The following SAMSN1 variants were observed in gnomAD, a reference collection of about 807,000 sequenced individuals.
SAMSN1 encodes the protein SAM domain-containing protein SAMSN-1.
In SAMSN1, 31 loss-of-function variants were observed where a neutral mutation model predicts 42.0. That is an observed-to-expected ratio of 0.74 (90% CI 0.55 to 1.00). The LOEUF (loss-of-function observed/expected upper bound fraction) is 1.00, where lower values mean the gene tolerates loss of function less well. SAMSN1 is among the 50% of genes least tolerant of loss of function. The pLI is 0.00. For missense variants in SAMSN1, 464 were observed against 439.4 expected (o/e 1.06, Z -0.50); for synonymous variants, 178 against 151.9 (o/e 1.17, Z -1.26).
In SAMSN1 at chr21:14,486,018, C is replaced by T. The variant is rs752230607; in HGVS notation, c.1016G>A (p.Gly339Asp). The change falls in exon 8 of 8, where the codon GGT becomes GAT. Residue 339 changes from glycine to aspartate, a missense_variant. Gly to Asp is a moderately conservative substitution (Grantham distance 94). Transcript: ENST00000400566. ...SQLDDCPRDS[G>D]CYISSGNSDN... ...TGAATTTCCTGATGAGATATAGCAA[C>T]CAGAGTCCCTTGGGCAGTCATCTAA... The T allele has an allele frequency of 8.7e-6, 14 of 1,613,602 alleles. No homozygotes were observed. The Middle Eastern group carries it at 8.3e-4, about 95-fold the overall frequency.
At chr21:14,510,859 C>A (rs1987660868) in intron 4 of SAMSN1, among the ~76,000 whole-genome samples, 3 of 152,216 alleles carry the variant, frequency 2.0e-5, no homozygotes. Flanking sequence ...TCTGTCATAA[C>A]AGGTGGCACT....
chr21:14,622,915 G>A (rs547112514), intron 2 of SAMSN1, among the ~76,000 whole-genome samples: 38 of 152,174 alleles, frequency 2.5e-4, no homozygotes, highest in Non-Finnish European at 4.1e-4. Flanking sequence ...GACTAACAGC[G>A]GACCTCTCAG....
At chr21:14,577,493 T>C (rs1981545765) in intron 2 of SAMSN1, among the ~76,000 whole-genome samples, 1 of 151,592 alleles carries the variant, frequency 6.6e-6, no homozygotes, top group Non-Finnish European at 1.5e-5. Flanking sequence ...AATATATGTG[T>C]TATTATAAAA....
At chr21:14,521,290 A>G (rs1978460184) in intron 1 of SAMSN1, 69 bp from the exon 2 acceptor site, 5 of 1,033,332 alleles carry the variant, frequency 4.8e-6, no homozygotes, top group South Asian at 4.3e-5. Flanking sequence ...TGATAAGTAT[A>G]TTAGATTATA....
rs561888867 is a variant in SAMSN1 at position 14,588,621 on chromosome 21, A to G, written c.466-4845T>C. On this transcript the variant is annotated intron_variant, in intron 7 of 15. Transcript: ENST00000647101. ...TGACCTCTAGAACTATGCTCCAAAT[A>G]TGATGCTCATCCCATCTTCTTCAAC... Among the ~76,000 whole-genome samples, 11 of 152,334 alleles carry G rather than the reference A, an allele frequency of 7.2e-5. No individual in the cohort carries two copies. In the East Asian group the frequency reaches 2.1e-3, roughly 29 times the overall value.
Position 14,567,198 on chromosome 21 carries a change from G to A in SAMSN1, c.261+14938C>T, listed in dbSNP as rs370152662. ...GGCGGTGTTGTCAGAAGACAGAAAG[G>A]AAAATAACAGTAAAGAACATAAAAG... On this transcript the variant is annotated intron_variant, in intron 2 of 8. Transcript: ENST00000285670. Among the ~76,000 whole-genome samples, 333 of 150,140 alleles carry A rather than the reference G, an allele frequency of 2.2e-3. 2 individuals carry two copies. Among genetic ancestry groups the A allele is most frequent in the African/African-American group, 7.6e-3 (310 of 40,690 alleles).
chr21:14,518,445 A>AT (rs11453614), intron 2 of SAMSN1, among the ~76,000 whole-genome samples: 77,031 of 151,390 alleles, frequency 0.51, 19,853 homozygotes, highest in East Asian at 0.6. Flanking sequence ...AACGTTGCAG[A>AT]TTTTTTTTTC....
chr21:14,533,984 C>A (rs1039112336), intron 1 of SAMSN1, among the ~76,000 whole-genome samples: 2 of 152,166 alleles, frequency 1.3e-5, no homozygotes, highest in Admixed American at 6.5e-5. Flanking sequence ...AATTTCTACT[C>A]TCCCACCTAT....
At chr21:14,520,284 G>A (rs1172212026) in intron 2 of SAMSN1, among the ~76,000 whole-genome samples, 1 of 152,190 alleles carries the variant, frequency 6.6e-6, no homozygotes, top group Non-Finnish European at 1.5e-5. Flanking sequence ...TTGAGCAGCT[G>A]TATGCTCTCC....
At chr21:14,561,101 T>C (rs1222140074) in intron 2 of SAMSN1, among the ~76,000 whole-genome samples, 3 of 152,158 alleles carry the variant, frequency 2.0e-5, no homozygotes, top group African/African-American at 7.2e-5. Context: ...CTCCTGTAGA[T>C]AACATCACTA....
At chr21:14,511,986 A>T (rs1188131256) in intron 4 of SAMSN1, among the ~76,000 whole-genome samples, 1 of 152,172 alleles carries the variant, frequency 6.6e-6, no homozygotes, top group Admixed American at 6.5e-5. Flanking sequence ...TACTTCAGGA[A>T]AAAAGGAAAG....
intron 1 of SAMSN1, among the ~76,000 whole-genome samples, chr21:14,538,948 C>T (rs1979816673): frequency 6.6e-6 from 1 of 152,124 alleles, no homozygotes; most frequent in Non-Finnish European, 1.5e-5. Context: ...AAAGAAAAAC[C>T]TGCTAAAATT....
chr21:14,620,370 C>G (rs891575424), intron 2 of SAMSN1, among the ~76,000 whole-genome samples: 7 of 152,222 alleles, frequency 4.6e-5, no homozygotes, highest in Admixed American at 3.9e-4. Context: ...ACAGTTCCTC[C>G]TACTCTCTCC....
intron 2 of SAMSN1, among the ~76,000 whole-genome samples, chr21:14,555,971 A>C (rs1179653885): frequency 6.6e-6 from 1 of 152,170 alleles, no homozygotes; most frequent in African/African-American, 2.4e-5. Flanking sequence ...TTTATTCCCC[A>C]GAAGCAAAGA....
intron 2 of SAMSN1, among the ~76,000 whole-genome samples, chr21:14,642,082 G>A (rs1472793852): frequency 2.0e-5 from 3 of 152,160 alleles, no homozygotes; most frequent in African/African-American, 7.2e-5. Context: ...TCATCATAAA[G>A]GTCTTTATTC....
upstream of SAMSN1, among the ~76,000 whole-genome samples, chr21:14,546,923 AT>A (rs1193182135): frequency 6.6e-6 from 1 of 151,990 alleles, no homozygotes; most frequent in Non-Finnish European, 1.5e-5. Context: ...GTTAGCCAAG[AT>A]GGTCTCGATC....
At chr21:14,558,780 A>T (rs2123193427) in intron 2 of SAMSN1, among the ~76,000 whole-genome samples, 1 of 152,328 alleles carries the variant, frequency 6.6e-6, no homozygotes, top group East Asian at 1.9e-4. Flanking sequence ...CCTAATGATG[A>T]TAATGATCTA....
chr21:14,510,700 G>A (rs936093209), intron 4 of SAMSN1, among the ~76,000 whole-genome samples: 2 of 152,000 alleles, frequency 1.3e-5, no homozygotes, highest in African/African-American at 2.4e-5. Flanking sequence ...ACTAACCCAA[G>A]TACCCTCTCA....
chr21:14,518,288 G>C (rs1988007404), intron 2 of SAMSN1, among the ~76,000 whole-genome samples: 1 of 152,172 alleles, frequency 6.6e-6, no homozygotes, highest in South Asian at 2.1e-4. Context: ...TAATATGTTT[G>C]TTCATTTGAT....
Sources: allele counts gnomAD v4.1 joint callset (sites outside exome capture counted in the v4.1 genomes callset), GRCh38; gene constraint gnomAD v4.1.1; transcripts MANE v1.5; gene names NCBI Gene and HGNC (gene_info 2026-07-23, HGNC 2026-07-21).